The following VPS26C variants were observed in gnomAD, a reference collection of about 807,000 sequenced individuals.
VPS26C encodes the protein VPS26 endosomal protein sorting factor C.
A neutral mutation model predicts 30.6 loss-of-function variants in VPS26C; 19 were observed. That is an observed-to-expected ratio of 0.62 (90% CI 0.43 to 0.91). The LOEUF (loss-of-function observed/expected upper bound fraction) is 0.91, where lower values mean the gene tolerates loss of function less well. VPS26C is among the 40% of genes least tolerant of loss of function. The pLI is 0.00. For synonymous variants in VPS26C, 132 were observed against 151.5 expected, an observed-to-expected ratio of 0.87 and a Z score of 0.95; for missense variants, 318 against 385.1, an observed-to-expected ratio of 0.83 and a Z score of 1.46.
chr21:37,227,679 T>G lies in VPS26C; in HGVS notation c.786A>C (p.Thr262=). The G allele has an allele frequency of 6.2e-7, 1 of 1,614,140 alleles. No individual in the cohort carries two copies. Among genetic ancestry groups the G allele is most frequent in the Non-Finnish European group, 8.5e-7 (1 of 1,180,000 alleles). The part of the protein sequence containing the change: ...MVFPRLFTCP[T]LETTNFKVEF... ...CCACTTTGAAGTTGGTGGTCTCCAGTGTAGGGCAGGTGAACAGCCTAGGGA... is the reference window on the plus strand; with the variant it reads ...CCACTTTGAAGTTGGTGGTCTCCAGGGTAGGGCAGGTGAACAGCCTAGGGA... The change falls in exon 7 of 8, where the codon ACA becomes ACC. Residue 262 remains threonine, a synonymous_variant. Transcript: ENST00000309117.
At chr21:37,244,263 CT>C (rs920146529) in intron 1 of VPS26C, among the ~76,000 whole-genome samples, 1 of 152,158 alleles carries the variant, frequency 6.6e-6, no homozygotes, top group African/African-American at 2.4e-5. Flanking sequence ...TTTGTATTCT[CT>C]TTTTTTTCCT....
intron 3 of VPS26C, among the ~76,000 whole-genome samples, chr21:37,236,867 C>T (rs115279639): frequency 5.7e-4 from 87 of 152,300 alleles, no homozygotes; most frequent in African/African-American, 1.9e-3. Context: ...GAACCCACCA[C>T]CTGTTAACTC....
chr21:37,252,381 A>G (rs1451825471), intron 1 of VPS26C, among the ~76,000 whole-genome samples: 1 of 152,204 alleles, frequency 6.6e-6, no homozygotes, highest in African/African-American at 2.4e-5. Flanking sequence ...AACAGGATAA[A>G]CAATCCTCAG....
At position 37,267,219 on chromosome 21, in the gene VPS26C, A is replaced by AC. The variant is rs2086376345; in HGVS notation, c.57+18dup. 4.6e-4 allele frequency: 104 copies of AC among 225,054 alleles called. No individual in the cohort carries two copies. The highest frequency in any genetic ancestry group is 1.5e-3 in the South Asian group (46 of 30,664). The allele number at this position is 225,054 out of a possible 1,614,324, so 13.9% of individuals were successfully genotyped here. ...CCCGCCCAACCCCACCTCCATCCCC[A>AC]CCCCCAGCCCCCACTTACCCCGGCG... On this transcript the variant is annotated intron_variant, in intron 1 of 7. Coordinates refer to ENST00000309117, the MANE Select transcript of VPS26C (RefSeq NM_006052.2).
chr21:37,262,990 C>T (rs1471847366), intron 1 of VPS26C, among the ~76,000 whole-genome samples: 1 of 152,096 alleles, frequency 6.6e-6, no homozygotes, highest in East Asian at 1.9e-4. Context: ...GTCTCAAACT[C>T]CTGGGCTCAA....
chr21:37,248,206 G>C (rs140204569), intron 1 of VPS26C, among the ~76,000 whole-genome samples: 3 of 151,840 alleles, frequency 2.0e-5, no homozygotes, highest in African/African-American at 7.3e-5. Context: ...TATCAACAGG[G>C]TATAATGAAC....
intron 1 of VPS26C, among the ~76,000 whole-genome samples, chr21:37,263,151 A>T (rs898026861): frequency 1.9e-4 from 29 of 151,906 alleles, no homozygotes; most frequent in African/African-American, 6.8e-4. Context: ...ATTTTTTCTT[A>T]AAAAAAAGGT....
At chr21:37,242,989 T>C (rs2086102746) in intron 1 of VPS26C, among the ~76,000 whole-genome samples, 1 of 152,184 alleles carries the variant, frequency 6.6e-6, no homozygotes, top group African/African-American at 2.4e-5. Flanking sequence ...ATTCAACTCC[T>C]ACCAATGAAA....
chr21:37,254,739 G>A (rs192996451), intron 1 of VPS26C, among the ~76,000 whole-genome samples: 300 of 152,198 alleles, frequency 2.0e-3, no homozygotes, highest in African/African-American at 6.9e-3. Flanking sequence ...TGAACCAGGA[G>A]GCAGAGGCTG....
chr21:37,253,239 G>T (rs2086211611), intron 1 of VPS26C, among the ~76,000 whole-genome samples: 3 of 152,094 alleles, frequency 2.0e-5, no homozygotes, highest in Non-Finnish European at 4.4e-5. Flanking sequence ...ACCATCATTT[G>T]ACAACTTTTT....
In VPS26C at chr21:37,226,785, A is replaced by G. The variant is rs2148280126; in HGVS notation, c.811+869T>C. On this transcript the variant is annotated intron_variant, in intron 7 of 7. Transcript: ENST00000309117. This position sits in a 1 kb window ranked among gnomAD's most constrained non-coding sequence, Gnocchi z 4.1. ...CACAGAGGTGCTGCTCTTGATGTGG[A>G]TGCAGTGCTCACTCCTGACTTCCAA... is the stretch of plus-strand genomic sequence containing the variant. 6.6e-6 allele frequency: 1 copy of G among 152,298 alleles called. No homozygotes were observed. Among genetic ancestry groups the G allele is most frequent in the Admixed American group, 6.5e-5 (1 of 15,300 alleles). 9.4% of individuals were successfully genotyped at this position (152,298 alleles called of 1,614,324 possible).
chr21:37,246,781 A>T (rs1040799786), intron 1 of VPS26C, among the ~76,000 whole-genome samples: 5 of 152,200 alleles, frequency 3.3e-5, no homozygotes, highest in African/African-American at 1.2e-4. Context: ...TACTTTTAAG[A>T]CAGGGTCTTA....
At chr21:37,245,287 C>T (rs1775126139) in intron 1 of VPS26C, among the ~76,000 whole-genome samples, 3 of 152,204 alleles carry the variant, frequency 2.0e-5, no homozygotes, top group Admixed American at 2.0e-4. Context: ...CTCAAGCACA[C>T]AGTAAGAGCC....
Position 37,233,147 on chromosome 21 carries a change from G to T in VPS26C, c.432+215C>A. On this transcript the variant is annotated intron_variant, in intron 4 of 7. Transcript: ENST00000309117. This position sits in a 1 kb window ranked among gnomAD's most constrained non-coding sequence, Gnocchi z 5.2. Reference sequence around the variant, plus strand: ...TGATGTGCCGACGTGGAGTCCCTCTGGCCCGCGGCCTCAGCTGGGGGACTC... The same window carrying T: ...TGATGTGCCGACGTGGAGTCCCTCTTGCCCGCGGCCTCAGCTGGGGGACTC... 1.9e-6 allele frequency: 1 copy of T among 526,814 alleles called. No individual in the cohort carries two copies. Among genetic ancestry groups the T allele is most frequent in the East Asian group, 3.0e-5 (1 of 33,416 alleles). The allele number at this position is 526,814 out of a possible 1,614,324, so 32.6% of individuals were successfully genotyped here. A position where few individuals can be genotyped will look rare whatever the true frequency, so the allele number is the denominator to read the frequency against.
intron 1 of VPS26C, among the ~76,000 whole-genome samples, chr21:37,247,273 G>A (rs910700326): frequency 3.3e-5 from 5 of 152,016 alleles, no homozygotes; most frequent in African/African-American, 4.8e-5. Context: ...AAATAATGTC[G>A]TACAAATAAA....
intron 1 of VPS26C, chr21:37,261,924 A>G (rs552007016): frequency 6.6e-6 from 1 of 152,268 alleles, no homozygotes; most frequent in African/African-American, 2.4e-5. Context: ...TTTGCCTTAC[A>G]ATAATTCACT....
intron 1 of VPS26C, among the ~76,000 whole-genome samples, chr21:37,258,250 T>C (rs180735306): frequency 6.6e-6 from 1 of 152,326 alleles, no homozygotes; most frequent in African/African-American, 2.4e-5. Context: ...AAACAACCTT[T>C]CCTGATCCGC....
At chr21:37,256,343 A>AAGGG (rs1294022699) in intron 1 of VPS26C, among the ~76,000 whole-genome samples, 1 of 152,240 alleles carries the variant, frequency 6.6e-6, no homozygotes, top group African/African-American at 2.4e-5. Context: ...AGAGTCAGGG[A>AAGGG]AGGGAGGGAG....
chr21:37,228,513 A>G (rs2085928616), intron 5 of VPS26C, 140 bp from the exon 6 acceptor site: 10 of 865,594 alleles, frequency 1.2e-5, no homozygotes, highest in Non-Finnish European at 1.6e-5. Flanking sequence ...AACGGGAAGA[A>G]AGGAGCGAAG....
Sources: allele counts gnomAD v4.1 joint callset (sites outside exome capture counted in the v4.1 genomes callset), GRCh38; gene constraint gnomAD v4.1.1; non-coding constraint Gnocchi (gnomAD v3.1); transcripts MANE v1.5; gene names NCBI Gene and HGNC (gene_info 2026-07-23, HGNC 2026-07-21).